CENPP: variants seen among roughly 807,000 people sequenced by gnomAD.
CENPP encodes the protein centromere protein P.
In CENPP, 24 loss-of-function variants were observed where a neutral mutation model predicts 35.6. The observed-to-expected ratio is 0.67, with a 90% CI of 0.49 to 0.95. CENPP has a LOEUF of 0.95. Among genes scored for constraint, CENPP ranks in the 40% least tolerant of loss-of-function variants. The pLI is 0.00. For synonymous variants in CENPP, 120 were observed against 125.5 expected (o/e 0.96, Z 0.29); for missense variants, 332 against 345.3 (o/e 0.96, Z 0.31).
At chr9:92,514,731 G>A (rs148975367) in intron 5 of CENPP, 24 of 1,607,892 alleles carry the variant, frequency 1.5e-5, no homozygotes, top group South Asian at 6.6e-5. Context: ...GAGAGCACCC[G>A]CTTGGCAGGC....
chr9:92,470,759 GTTGGT>G, intron 5 of CENPP: 1 of 1,594,654 alleles, frequency 6.3e-7, no homozygotes, highest in Non-Finnish European at 8.5e-7. Context: ...CAAATGGAAT[GTTGGT>G]TGGGACTGAG....
At chr9:92,546,804 C>T (rs1027685939) in intron 5 of CENPP, among the ~76,000 whole-genome samples, 2 of 152,012 alleles carry the variant, frequency 1.3e-5, no homozygotes, top group African/African-American at 2.4e-5. Flanking sequence ...TTTAAAAAAA[C>T]AATAAAATTG....
intron 5 of CENPP, among the ~76,000 whole-genome samples, chr9:92,601,570 A>C (rs1361238565): frequency 1.3e-5 from 2 of 152,194 alleles, no homozygotes; most frequent in African/African-American, 4.8e-5. Flanking sequence ...CCACGCTGTG[A>C]CCAAAAGGAC....
At chr9:92,525,605 C>T (rs1848345628) in intron 5 of CENPP, among the ~76,000 whole-genome samples, 1 of 152,086 alleles carries the variant, frequency 6.6e-6, no homozygotes, top group Non-Finnish European at 1.5e-5. Flanking sequence ...AAAAATACAG[C>T]ACAGGCTGGG....
chr9:92,542,907 G>A (rs918647916), intron 5 of CENPP, among the ~76,000 whole-genome samples: 3 of 152,258 alleles, frequency 2.0e-5, no homozygotes, highest in Middle Eastern at 3.4e-3. Flanking sequence ...TGTCAGATAA[G>A]GATCTAACTT....
At chr9:92,570,686 C>T (rs891556026) in intron 5 of CENPP, among the ~76,000 whole-genome samples, 8 of 152,100 alleles carry the variant, frequency 5.3e-5, no homozygotes, top group Admixed American at 1.3e-4. Context: ...TGGTAGAATT[C>T]GGCTGTGAAT....
At chr9:92,465,901 C>T (rs1241677886) in intron 5 of CENPP, among the ~76,000 whole-genome samples, 4 of 151,002 alleles carry the variant, frequency 2.6e-5, no homozygotes, top group Admixed American at 6.6e-5. Flanking sequence ...GGCGCAATCT[C>T]GGCTCACTGC....
intron 5 of CENPP, among the ~76,000 whole-genome samples, chr9:92,603,810 C>G (rs1034205332): frequency 1.3e-5 from 2 of 152,156 alleles, no homozygotes; most frequent in Non-Finnish European, 2.9e-5. Context: ...ACATCTTGCC[C>G]ACCTCCCCAG....
At chr9:92,523,391 G>C (rs887669193) in intron 5 of CENPP, among the ~76,000 whole-genome samples, 2 of 152,200 alleles carry the variant, frequency 1.3e-5, no homozygotes, top group African/African-American at 4.8e-5. Flanking sequence ...CATGAAAGCA[G>C]CCATAGACAA....
chr9:92,563,491 G>T (rs928871218), intron 5 of CENPP, among the ~76,000 whole-genome samples: 1 of 152,068 alleles, frequency 6.6e-6, no homozygotes, highest in African/African-American at 2.4e-5. Flanking sequence ...CTATACGAAG[G>T]GATCAAATTA....
chr9:92,389,370 C>G (rs1294905821), intron 5 of CENPP, among the ~76,000 whole-genome samples: 2 of 152,122 alleles, frequency 1.3e-5, no homozygotes, highest in Non-Finnish European at 2.9e-5. Context: ...ATTACATGCT[C>G]TCATGAAATT....
intron 5 of CENPP, among the ~76,000 whole-genome samples, chr9:92,568,770 T>C (rs1850060447): frequency 6.6e-6 from 1 of 152,148 alleles, no homozygotes; most frequent in South Asian, 2.1e-4. Context: ...TTTTAATGAT[T>C]GCCATTCTAA....
intron 2 of CENPP, among the ~76,000 whole-genome samples, chr9:92,337,017 T>G (rs1840951066): frequency 6.6e-6 from 1 of 152,144 alleles, no homozygotes; most frequent in Non-Finnish European, 1.5e-5. Context: ...ACCATAACTT[T>G]TGGTATAGTT....
chr9:92,328,886 T>C (rs954889061), intron 1 of CENPP, among the ~76,000 whole-genome samples: 8 of 152,264 alleles, frequency 5.3e-5, no homozygotes, highest in African/African-American at 1.4e-4. Context: ...TTAACCATTT[T>C]TGAGCGTTCA....
At position 92,379,787 on chromosome 9, in the gene CENPP, C is replaced by A; in HGVS notation, c.492C>A (p.Phe164Leu). 1 of 1,612,212 alleles carries A rather than the reference C, an allele frequency of 6.2e-7. No homozygotes were observed. Among genetic ancestry groups the A allele is most frequent in the South Asian group, 1.1e-5 (1 of 91,028 alleles). The change falls in exon 5 of 8, where the codon TTC becomes TTA. Residue 164 changes from phenylalanine (F) to leucine (L), a missense_variant. Coordinates refer to ENST00000375587, the MANE Select transcript of CENPP (RefSeq NM_001012267.3). ...GAGCAGAAGAGAGAAAAGATCTGTT[C>A]ATGTTTTTCCGAAGCCTGCATTTTT... Reference protein sequence around the residue: ...VSRAEERKDLFMFFRSLHFFV... With the variant: ...VSRAEERKDLLMFFRSLHFFV...
intron 5 of CENPP, among the ~76,000 whole-genome samples, chr9:92,482,910 CTTTT>C (rs879563479): frequency 1.4e-5 from 2 of 141,704 alleles, no homozygotes; most frequent in Admixed American, 1.4e-4. Flanking sequence ...CTTCTCCAGA[CTTTT>C]TTTTTTTTTT....
intron 5 of CENPP, among the ~76,000 whole-genome samples, chr9:92,557,950 C>T (rs994605445): frequency 2.6e-5 from 4 of 152,062 alleles, no homozygotes; most frequent in Admixed American, 6.6e-5. Flanking sequence ...GCCTGCATTT[C>T]GCATTTCTAA....
At chr9:92,387,073 AAAG>A in intron 5 of CENPP, among the ~76,000 whole-genome samples, 2 of 150,040 alleles carry the variant, frequency 1.3e-5, no homozygotes, top group South Asian at 4.2e-4. Context: ...AAAAAAAAAA[AAAG>A]AAATGTGTGT....
At position 92,438,508 on chromosome 9, in the gene CENPP, C is replaced by T. The variant is rs369874858; in HGVS notation, c.564+58649C>T. Reference sequence around the variant, plus strand: ...AGTTCTGCCATTGGAGAGTATACATCCTCTAACTTTGTTGTTCTTTTTCCA... The same window carrying T: ...AGTTCTGCCATTGGAGAGTATACATTCTCTAACTTTGTTGTTCTTTTTCCA... On this transcript the variant is annotated intron_variant, in intron 5 of 7. Coordinates refer to ENST00000375587, the MANE Select transcript of CENPP (RefSeq NM_001012267.3). 3.9e-5 allele frequency among the ~76,000 whole-genome samples: 6 copies of T among 152,308 alleles called. No homozygotes were observed. The South Asian group carries it at 1.2e-3, about 32-fold the overall frequency.
Sources: gnomAD v4.1 joint callset for allele counts (sites outside exome capture counted in the v4.1 genomes callset) on GRCh38, gnomAD v4.1.1 for gene constraint, MANE v1.5 for transcripts, NCBI Gene and HGNC (gene_info 2026-07-23, HGNC 2026-07-21) for gene names.